ABCC1: variants seen among roughly 807,000 people sequenced by gnomAD.
ABCC1 encodes ATP binding cassette subfamily C member 1 (ABCC1 blood group).
In ABCC1, 83 loss-of-function variants were observed where a neutral mutation model predicts 172.9. The observed-to-expected ratio is 0.48, with a 90% confidence interval of 0.40 to 0.58. The LOEUF is 0.58. Ranked by LOEUF, ABCC1 falls within the 20% of genes least tolerant of loss-of-function variation. The probability of loss-of-function intolerance (pLI) is 0.00; values close to 1 mark genes in which losing one functional copy is unlikely to be tolerated. For missense variants in ABCC1, 1,817 were observed against 2,002.7 expected, an observed-to-expected ratio of 0.91 and a Z score of 1.77; for synonymous variants, 937 against 825.2, an observed-to-expected ratio of 1.14 and a Z score of -2.32.
intron 1 of ABCC1, among the ~76,000 whole-genome samples, chr16:15,982,082 G>T: frequency 6.6e-6 from 1 of 152,118 alleles, no homozygotes; most frequent in Non-Finnish European, 1.5e-5. Context: ...CACTATCAGC[G>T]TTTTGGTCCA....
chr16:16,066,402 A>G (rs1026720329), intron 12 of ABCC1, among the ~76,000 whole-genome samples: 1 of 151,002 alleles, frequency 6.6e-6, no homozygotes, highest in African/African-American at 2.4e-5. Context: ...GCTGGTCTGG[A>G]ACTCCCGACC....
intron 12 of ABCC1, among the ~76,000 whole-genome samples, chr16:16,060,172 C>T (rs1327880899): frequency 6.6e-6 from 1 of 151,984 alleles, no homozygotes; most frequent in African/African-American, 2.4e-5. Context: ...CAGTGTGACC[C>T]CAAAGCTGGT....
rs553064550 is a variant in ABCC1 at position 16,066,892 on chromosome 16, G to C, written c.1678-1264G>C. Among the ~76,000 whole-genome samples, 6 of 116,510 alleles carry C rather than the reference G, an allele frequency of 5.1e-5. No individual in the cohort carries two copies. The South Asian group carries it at 1.4e-3, about 26-fold the overall frequency. 76.4% of individuals were successfully genotyped at this position (116,510 alleles called of 152,430 possible). ...CACTCCATCTTGTGCAAAAGAATGA[G>C]ACTGTGTCTCAAAAAAAAAAAAAGT... On this transcript the variant is annotated intron_variant, in intron 12 of 30. Coordinates refer to ENST00000399410, the MANE Select transcript of ABCC1 (RefSeq NM_004996.4).
In ABCC1 at chr16:16,069,233, G is replaced by T. The variant is rs150671266; in HGVS notation, c.1824+931G>T. Among the ~76,000 whole-genome samples, 454 of 151,228 alleles carry T rather than the reference G, an allele frequency of 3.0e-3. 2 individuals are homozygous for T. Among genetic ancestry groups the T allele is most frequent in the African/African-American group, 0.011 (437 of 41,228 alleles). The stretch of plus-strand genomic sequence containing the variant: ...ATAAATATGTTTGAAAATTAGCCAG[G>T]CATGGTGGTGTGCCCCTGTACTCCC... On this transcript the variant is annotated intron_variant, in intron 13 of 30. Coordinates refer to ENST00000399410, the MANE Select transcript of ABCC1 (RefSeq NM_004996.4).
chr16:16,070,613 C>T (rs1198992578), intron 13 of ABCC1, among the ~76,000 whole-genome samples: 4 of 146,272 alleles, frequency 2.7e-5, no homozygotes, highest in African/African-American at 1.0e-4. Flanking sequence ...TGCAGTGAGC[C>T]GAGATTGCGC....
chr16:16,124,606 C>T (rs2045353629), intron 24 of ABCC1, among the ~76,000 whole-genome samples, 183 bp from the exon 25 acceptor site: 1 of 152,166 alleles, frequency 6.6e-6, no homozygotes, highest in African/African-American at 2.4e-5. Context: ...GTGCCTTCGG[C>T]CCTCCCTACC....
intron 7 of ABCC1, among the ~76,000 whole-genome samples, chr16:16,038,060 GGATA>G (rs2048823062): frequency 6.6e-6 from 1 of 152,026 alleles, no homozygotes; most frequent in African/African-American, 2.4e-5. Context: ...ATGGATGGAT[GGATA>G]GATGATAGAT....
At chr16:15,991,161 C>T (rs974929180) in intron 1 of ABCC1, among the ~76,000 whole-genome samples, 1 of 151,984 alleles carries the variant, frequency 6.6e-6, no homozygotes, top group Non-Finnish European at 1.5e-5. Flanking sequence ...GCTGTCGTCT[C>T]TAGTTCAGCA....
chr16:16,138,838 T>C (rs1246066550), intron 30 of ABCC1, among the ~76,000 whole-genome samples: 2 of 151,042 alleles, frequency 1.3e-5, no homozygotes, highest in Admixed American at 1.3e-4. Context: ...GACTCCCGAA[T>C]AGCTGGAACT....
chr16:16,036,084 A>ACTGTACTCCATC (rs1190098247), intron 6 of ABCC1, among the ~76,000 whole-genome samples: 1 of 152,084 alleles, frequency 6.6e-6, no homozygotes, highest in African/African-American at 2.4e-5. Context: ...CGATCGCACC[A>ACTGTACTCCATC]CTGTACTCCA....
At chr16:16,104,155 C>T (rs952592203) in intron 20 of ABCC1, among the ~76,000 whole-genome samples, 1 of 152,120 alleles carries the variant, frequency 6.6e-6, no homozygotes, top group Non-Finnish European at 1.5e-5. Context: ...GACCCAAACA[C>T]TGAGCAGCAG....
At chr16:16,071,264 T>TTC (rs1397388851) in intron 13 of ABCC1, among the ~76,000 whole-genome samples, 1 of 150,564 alleles carries the variant, frequency 6.6e-6, no homozygotes, top group Admixed American at 6.6e-5. Context: ...TTATGTATTT[T>TTC]TTTTTTTTTT....
intron 19 of ABCC1, among the ~76,000 whole-genome samples, chr16:16,099,193 G>A (rs972406845): frequency 9.2e-5 from 14 of 152,218 alleles, no homozygotes; most frequent in African/African-American, 3.4e-4. Context: ...ATGCCTTGAG[G>A]GGACCATGCT....
chr16:15,992,732 G>A (rs755486948), intron 1 of ABCC1, among the ~76,000 whole-genome samples: 4 of 152,266 alleles, frequency 2.6e-5, no homozygotes, highest in Non-Finnish European at 5.9e-5. Flanking sequence ...TGAATTAGGC[G>A]ATGCCATGAC....
At chr16:16,114,372 T>C (rs1478228031) in intron 22 of ABCC1, among the ~76,000 whole-genome samples, 1 of 151,974 alleles carries the variant, frequency 6.6e-6, no homozygotes, top group Admixed American at 6.6e-5. Context: ...CGGAGTCTCA[T>C]TCTGTCGCCC....
Position 16,008,001 on chromosome 16 carries a change from CT to C in ABCC1, c.225+10del, listed in dbSNP as rs2047616589. On this transcript the variant is annotated intron_variant, in intron 2 of 30. Transcript: ENST00000399410. The stretch of plus-strand genomic sequence containing the variant: ...TCAACAAAACCAAAACTGTAAGTCA[CT>C]GGGGGGTTTCGTTGTGGGGGGTGGG... The C allele has an allele frequency of 2.7e-6, 4 of 1,509,002 alleles. No individual in the cohort carries two copies. Among genetic ancestry groups the C allele is most frequent in the Non-Finnish European group, 3.6e-6 (4 of 1,124,562 alleles). The allele number at this position is 1,509,002 out of a possible 1,614,324, so 93.5% of individuals were successfully genotyped here. A position where few individuals can be genotyped will look rare whatever the true frequency, so the allele number is the denominator to read the frequency against.
chr16:16,093,628 C>T (rs1323544578), intron 19 of ABCC1, among the ~76,000 whole-genome samples: 3 of 152,170 alleles, frequency 2.0e-5, no homozygotes, highest in African/African-American at 7.2e-5. Flanking sequence ...CTCTCACCAC[C>T]CACCCTTTTC....
At chr16:16,077,425 G>A (rs1423045398) in intron 15 of ABCC1, among the ~76,000 whole-genome samples, 1 of 152,144 alleles carries the variant, frequency 6.6e-6, no homozygotes, top group African/African-American at 2.4e-5. Context: ...CTGTATCTGT[G>A]TCCCTTTCCT....
rs112873862 is a variant in ABCC1, at chr16:16,101,062, C to T, written c.2645-1565C>T. On this transcript the variant is annotated intron_variant, in intron 19 of 30. Coordinates refer to ENST00000399410, the MANE Select transcript of ABCC1 (RefSeq NM_004996.4). The stretch of plus-strand genomic sequence containing the variant: ...TTATTTTTATTTTTAGACAGAGTCT[C>T]GCTCTGTCACCCAGGCTGGAGTGTG... Among the ~76,000 whole-genome samples, 1,310 of 151,376 alleles carry T rather than the reference C, an allele frequency of 8.7e-3. 16 individuals are homozygous for T. The highest frequency in any genetic ancestry group is 0.029 in the African/African-American group (1,206 of 41,240).
Sources: allele counts gnomAD v4.1 joint callset (sites outside exome capture counted in the v4.1 genomes callset), GRCh38; gene constraint gnomAD v4.1.1; transcripts MANE v1.5; gene names NCBI Gene and HGNC (gene_info 2026-07-23, HGNC 2026-07-21).